RCAN2: variants seen among roughly 807,000 people sequenced by gnomAD.
RCAN2 encodes calcipressin-2.
RCAN2 carries 9 observed loss-of-function variants against 23.6 expected under a neutral mutation model. The observed-to-expected ratio is 0.38, with a 90% CI of 0.23 to 0.67. The LOEUF is 0.67. Ranked by LOEUF, RCAN2 falls within the 30% of genes least tolerant of loss-of-function variation. The pLI, the probability that RCAN2 is intolerant of heterozygous loss-of-function variation, is 0.51. For missense variants in RCAN2, 273 were observed against 302.3 expected (o/e 0.90, Z 0.72); for synonymous variants, 109 against 115.7 (o/e 0.94, Z 0.37).
At chr6:46,360,070 C>T (rs1361240183) in intron 2 of RCAN2, among the ~76,000 whole-genome samples, 2 of 152,112 alleles carry the variant, frequency 1.3e-5, no homozygotes, top group African/African-American at 4.8e-5. Context: ...GTTTCTCAAA[C>T]TTTAATGTGA....
intron 2 of RCAN2, among the ~76,000 whole-genome samples, chr6:46,342,103 G>C (rs1410992970): frequency 1.3e-5 from 2 of 152,122 alleles, no homozygotes; most frequent in Non-Finnish European, 1.5e-5. Flanking sequence ...TGTCTTTTGA[G>C]TGTAGTGTTA....
chr6:46,280,525 C>T (rs895418812), intron 2 of RCAN2, among the ~76,000 whole-genome samples: 7 of 152,026 alleles, frequency 4.6e-5, no homozygotes, highest in Non-Finnish European at 1.0e-4. Context: ...GCAAATTAAA[C>T]TCCCAGGAGT....
intron 2 of RCAN2, among the ~76,000 whole-genome samples, chr6:46,419,102 T>C (rs1422818299): frequency 2.0e-5 from 3 of 152,136 alleles, no homozygotes; most frequent in African/African-American, 4.8e-5. Flanking sequence ...AGGCATATGG[T>C]GAAAATACGA....
intron 2 of RCAN2, among the ~76,000 whole-genome samples, chr6:46,359,229 C>G (rs1156375547): frequency 1.3e-5 from 2 of 152,196 alleles, no homozygotes; most frequent in Non-Finnish European, 2.9e-5. Context: ...CTGGAAAGTA[C>G]AGAGCTCAGA....
At chr6:46,392,767 T>C (rs1024678802) in intron 2 of RCAN2, among the ~76,000 whole-genome samples, 1 of 152,208 alleles carries the variant, frequency 6.6e-6, no homozygotes, top group Admixed American at 6.5e-5. Flanking sequence ...ATTCTGTCAC[T>C]GGAAATGTTT....
At chr6:46,382,591 C>T (rs1023557178) in intron 2 of RCAN2, among the ~76,000 whole-genome samples, 11 of 152,184 alleles carry the variant, frequency 7.2e-5, no homozygotes, top group African/African-American at 2.7e-4. Context: ...AGAACAACAA[C>T]ACCACATTGC....
chr6:46,443,814 T>C (rs1767621497), intron 2 of RCAN2, among the ~76,000 whole-genome samples: 1 of 152,236 alleles, frequency 6.6e-6, no homozygotes, highest in South Asian at 2.1e-4. Flanking sequence ...TTTGTGCTGA[T>C]GTACAGCCAA....
chr6:46,483,225 C>T (rs1436120419), intron 1 of RCAN2, among the ~76,000 whole-genome samples: 4 of 152,180 alleles, frequency 2.6e-5, no homozygotes, highest in Admixed American at 2.0e-4. Context: ...TTCACACAGC[C>T]TGAAGGAAGT....
chr6:46,400,007 C>T (rs545410425), intron 2 of RCAN2, among the ~76,000 whole-genome samples: 1 of 152,316 alleles, frequency 6.6e-6, no homozygotes, highest in East Asian at 1.9e-4. Flanking sequence ...CACAGATTAC[C>T]TCCTCACATA....
intron 2 of RCAN2, among the ~76,000 whole-genome samples, chr6:46,365,352 T>C (rs1260258165): frequency 6.6e-6 from 1 of 152,072 alleles, no homozygotes. Context: ...GGTGGGCACC[T>C]GTAACCCCAG....
chr6:46,490,792 T>C (rs1463610834), intron 1 of RCAN2, among the ~76,000 whole-genome samples: 1 of 151,490 alleles, frequency 6.6e-6, no homozygotes, highest in Non-Finnish European at 1.5e-5. Context: ...TCTCTAAGCC[T>C]CAGTCCCGGG....
Position 46,354,190 on chromosome 6 carries a change from T to C in RCAN2, c.225+102562A>G, listed in dbSNP as rs890644092. On this transcript the variant is annotated intron_variant, in intron 2 of 4. Coordinates refer to ENST00000371374, the MANE Select transcript of RCAN2 (RefSeq NM_001251974.2). Reference sequence around the variant, plus strand: ...GCACTTGCACACATGTACATGTGTATGGTGTGTTATTTTACTGTGTGTGTG... The same window carrying C: ...GCACTTGCACACATGTACATGTGTACGGTGTGTTATTTTACTGTGTGTGTG... Among the ~76,000 whole-genome samples the C allele has an allele frequency of 2.0e-5, 3 of 150,082 alleles. No individual in the cohort carries two copies. The East Asian group carries it at 5.9e-4, about 30-fold the overall frequency.
rs200220116 is a variant in RCAN2 at position 46,223,277 on chromosome 6, C to G, written c.596G>C (p.Gly199Ala). ...GPGEKYELHA[G>A]TESTPSVVVH... Reference sequence around the variant, plus strand: ...GACGACACTTGGGGTGGACTCAGTCCCTGCATGGAGCTCATACTTCTCTCC... The same window carrying G: ...GACGACACTTGGGGTGGACTCAGTCGCTGCATGGAGCTCATACTTCTCTCC... Residue 199 changes from glycine (G) to alanine (A), a missense_variant, in exon 5 of 5, where the codon GGG (glycine) becomes GCG (alanine). Physicochemically the swap from Gly to Ala is moderately conservative, Grantham distance 60 (BLOSUM62 0). Transcript: ENST00000371374. The G allele has an allele frequency of 1.1e-4, 177 of 1,613,660 alleles. 1 individual carries two copies. The highest frequency in any genetic ancestry group is 1.4e-5 in the Non-Finnish European group (17 of 1,179,870).
At chr6:46,418,721 A>AT (rs1453689644) in intron 2 of RCAN2, among the ~76,000 whole-genome samples, 1 of 134,668 alleles carries the variant, frequency 7.4e-6, no homozygotes, top group African/African-American at 2.8e-5. Context: ...ATATATATAT[A>AT]TATATATATA....
chr6:46,247,588 T>C (rs531203969), intron 3 of RCAN2, among the ~76,000 whole-genome samples: 1 of 152,250 alleles, frequency 6.6e-6, no homozygotes, highest in African/African-American at 2.4e-5. Context: ...GTCCTATAAG[T>C]AGAATCACAG....
chr6:46,367,022 G>GATATATATATATATATATATATCTATAT (rs1765191748), intron 2 of RCAN2, among the ~76,000 whole-genome samples: 1 of 59,690 alleles, frequency 1.7e-5, no homozygotes, highest in Non-Finnish European at 3.9e-5. Context: ...ATCTGGGATG[G>GATATATATATATATATATATATCTATAT]ATATATATAT....
intron 2 of RCAN2, among the ~76,000 whole-genome samples, chr6:46,421,911 T>C (rs978763176): frequency 1.3e-5 from 2 of 152,186 alleles, no homozygotes; most frequent in Non-Finnish European, 2.9e-5. Context: ...AAACATCATC[T>C]GCTTAAAGGA....
At chr6:46,483,345 G>A (rs1768914891) in intron 1 of RCAN2, among the ~76,000 whole-genome samples, 1 of 152,222 alleles carries the variant, frequency 6.6e-6, no homozygotes, top group East Asian at 1.9e-4. Flanking sequence ...AAATCAGTCT[G>A]CATACACGTA....
chr6:46,423,886 A>C (rs1248291125), intron 2 of RCAN2, among the ~76,000 whole-genome samples: 1 of 152,210 alleles, frequency 6.6e-6, no homozygotes, highest in East Asian at 1.9e-4. Context: ...TTACTACTTC[A>C]CATAATTCAA....
Sources: gnomAD v4.1 joint callset for allele counts (sites outside exome capture counted in the v4.1 genomes callset) on GRCh38, gnomAD v4.1.1 for gene constraint, MANE v1.5 for transcripts, NCBI Gene and HGNC (gene_info 2026-07-23, HGNC 2026-07-21) for gene names.